PARVG: variants seen among roughly 807,000 people sequenced by gnomAD.
The protein encoded by PARVG is gamma-parvin.
In PARVG, 36 loss-of-function variants were observed where a neutral mutation model predicts 44.4. That is an observed-to-expected ratio of 0.81 (90% CI 0.62 to 1.07). The LOEUF (loss-of-function observed/expected upper bound fraction) is 1.07, where lower values mean the gene tolerates loss of function less well. Ranked by LOEUF, PARVG falls within the 50% of genes least tolerant of loss-of-function variation. The pLI is 0.00. For missense variants in PARVG, 407 were observed against 407.4 expected (o/e 1.00, Z 0.01); for synonymous variants, 170 against 174.1 (o/e 0.98, Z 0.19).
chr22:44,202,420 T>C (rs1319326239), intron 12 of PARVG, among the ~76,000 whole-genome samples: 2 of 152,242 alleles, frequency 1.3e-5, no homozygotes. Context: ...GCCCCTGGGC[T>C]GCAGGGCCTC....
Position 44,190,639 on chromosome 22 carries a change from C to T in PARVG, c.477C>T (p.Asn159=), listed in dbSNP as rs3842780. ...RFQPDLSLPT[N]VQVEVITIES... is the part of the protein sequence containing the mutation. ...AGCCCGACCTCTCCCTCCCAACCAACGTCCAGGTGGAGGTCATCACTATCG... is the reference window on the plus strand; with the variant it reads ...AGCCCGACCTCTCCCTCCCAACCAATGTCCAGGTGGAGGTCATCACTATCG... The change falls in exon 7 of 14, where the codon AAC becomes AAT. Residue 159 remains asparagine, a synonymous_variant. Transcript: ENST00000444313. 19 of 1,613,842 alleles carry T rather than the reference C, an allele frequency of 1.2e-5. No individual in the cohort carries two copies. Among genetic ancestry groups the T allele is most frequent in the Middle Eastern group, 1.6e-4 (1 of 6,084 alleles).
At chr22:44,205,465 G>A (rs1273993607) in intron 12 of PARVG, among the ~76,000 whole-genome samples, 5 of 152,192 alleles carry the variant, frequency 3.3e-5, no homozygotes, top group South Asian at 2.1e-4. Context: ...CCTTTTTCAC[G>A]GGCAGTGGCC....
chr22:44,173,535 G>C (rs970076577), intron 1 of PARVG, among the ~76,000 whole-genome samples: 1 of 137,580 alleles, frequency 7.3e-6, no homozygotes, highest in Admixed American at 7.0e-5. Flanking sequence ...AGGCAACCAC[G>C]CTATTAAAAA....
chr22:44,198,925 C>CCCACCCACCCACCCACCCACCCACCCAT (rs1569186384), intron 12 of PARVG, among the ~76,000 whole-genome samples: 1 of 46,246 alleles, frequency 2.2e-5, no homozygotes, highest in African/African-American at 6.7e-5. Context: ...CATCCATCTA[C>CCCACCCACCCACCCACCCACCCACCCAT]CCATCCATCC....
At chr22:44,197,182 G>A (rs1023499523) in intron 11 of PARVG, among the ~76,000 whole-genome samples, 4 of 152,252 alleles carry the variant, frequency 2.6e-5, no homozygotes, top group African/African-American at 4.8e-5. Context: ...CATGAAGATC[G>A]TAGCCAGAGC....
chr22:44,177,716 T>G (rs1438126449), upstream of PARVG, among the ~76,000 whole-genome samples: 1 of 152,176 alleles, frequency 6.6e-6, no homozygotes, highest in Non-Finnish European at 1.5e-5. Flanking sequence ...TACTTTCTTA[T>G]GATGTTAATT....
In PARVG at chr22:44,206,636, A is replaced by G. The variant is rs2147243955; in HGVS notation, c.*210A>G. On this transcript the variant is annotated 3_prime_UTR_variant, in exon 14 of 14. Coordinates refer to ENST00000444313, the MANE Select transcript of PARVG (RefSeq NM_022141.7). ...CTGGCCTTGCTCAGTTTATTTTAATAAAAGTATTTCTGGGAGGGATTCTGG... is the reference window on the plus strand; with the variant it reads ...CTGGCCTTGCTCAGTTTATTTTAATGAAAGTATTTCTGGGAGGGATTCTGG... 1.8e-6 allele frequency: 1 copy of G among 564,168 alleles called. No homozygotes were observed. Among genetic ancestry groups the G allele is most frequent in the East Asian group, 3.0e-5 (1 of 32,946 alleles). 34.9% of individuals were successfully genotyped at this position (564,168 alleles called of 1,614,324 possible). A position where few individuals can be genotyped will look rare whatever the true frequency, so the allele number is the denominator to read the frequency against.
chr22:44,193,652 G>A, intron 8 of PARVG, 149 bp from the exon 9 acceptor site: 1 of 919,164 alleles, frequency 1.1e-6, no homozygotes, highest in Non-Finnish European at 1.7e-6. Context: ...TCTGCTATCT[G>A]CCCTACCTAC....
At chr22:44,195,059 A>C (rs2054600686) in intron 9 of PARVG, among the ~76,000 whole-genome samples, 1 of 152,152 alleles carries the variant, frequency 6.6e-6, no homozygotes, top group Admixed American at 6.5e-5. Flanking sequence ...TTCCCTGCAG[A>C]GGTAGAGATA....
chr22:44,181,932 C>G lies in PARVG; in HGVS notation c.-13+15C>G, dbSNP rs979455191. ...AAAGCGGTTGGGTGAGTTCTGGCAT[C>G]GGGGCCACCATACTTGAGTGTTGGG... On this transcript the variant is annotated intron_variant, in intron 2 of 13. Transcript: ENST00000444313. 14 of 985,574 alleles carry G rather than the reference C, an allele frequency of 1.4e-5. No homozygotes were observed. Among genetic ancestry groups the G allele is most frequent in the Non-Finnish European group, 1.7e-5 (14 of 830,062 alleles). The allele number at this position is 985,574 out of a possible 1,614,324, so 61.1% of individuals were successfully genotyped here. A position where few individuals can be genotyped will look rare whatever the true frequency, so the allele number is the denominator to read the frequency against.
chr22:44,181,126 A>AACC lies in PARVG; in HGVS notation c.-240_-238dup, dbSNP rs1459228894. 1 of 445,892 alleles carries AACC rather than the reference A, an allele frequency of 2.2e-6. No homozygotes were observed. Among genetic ancestry groups the AACC allele is most frequent in the Non-Finnish European group, 3.0e-6 (1 of 336,686 alleles). The allele number at this position is 445,892 out of a possible 1,614,324, so 27.6% of individuals were successfully genotyped here. A position where few individuals can be genotyped will look rare whatever the true frequency, so the allele number is the denominator to read the frequency against. On this transcript the variant is annotated 5_prime_UTR_variant, in exon 1 of 14. Coordinates refer to ENST00000444313, the MANE Select transcript of PARVG (RefSeq NM_022141.7). ...AAGCCTTCCCGATCCCCTTGGCAACAACCACCACCAATATTTATTCACTGA... is the reference window on the plus strand; with the variant it reads ...AAGCCTTCCCGATCCCCTTGGCAACAACCACCACCACCAATATTTATTCACTGA...
At position 44,204,456 on chromosome 22, in the gene PARVG, C is replaced by T. The variant is rs562194682; in HGVS notation, c.814-1301C>T. Reference sequence around the variant, plus strand: ...GCCCAGCCAGGATGTGTGACTTGTCCGAGGTCAGACACTTAGTGGCAGGGA... The same window carrying T: ...GCCCAGCCAGGATGTGTGACTTGTCTGAGGTCAGACACTTAGTGGCAGGGA... On this transcript the variant is annotated intron_variant, in intron 12 of 13. Coordinates refer to ENST00000444313, the MANE Select transcript of PARVG (RefSeq NM_022141.7). Among the ~76,000 whole-genome samples the T allele has an allele frequency of 6.6e-5, 10 of 152,352 alleles. No homozygotes were observed. The South Asian group carries it at 1.0e-3, about 16-fold the overall frequency.
intron 9 of PARVG, 79 bp downstream of exon 9, chr22:44,193,902 T>C: frequency 1.3e-6 from 2 of 1,528,244 alleles, no homozygotes; most frequent in South Asian, 1.2e-5. Flanking sequence ...GCAGGGTTAA[T>C]TGCTGAGCAT....
Position 44,182,053 on chromosome 22 carries a change from C to A in PARVG, c.-13+136C>A. On this transcript the variant is annotated intron_variant, in intron 2 of 13. Coordinates refer to ENST00000444313, the MANE Select transcript of PARVG (RefSeq NM_022141.7). The surrounding 1 kb of genome is among the most constrained non-coding windows in gnomAD (Gnocchi z 4.6). ...GGGGAAGGGAGTCGGTAAAGTGGGA[C>A]CTTGAGTCCCCACGGCCCCTCCGGC... 2 of 681,856 alleles carry A rather than the reference C, an allele frequency of 2.9e-6. No homozygotes were observed. The highest frequency in any genetic ancestry group is 3.6e-6 in the Non-Finnish European group (2 of 552,616). The allele number at this position is 681,856 out of a possible 1,614,324, so 42.2% of individuals were successfully genotyped here.
Position 44,206,647 on chromosome 22 carries a change from T to TGGGA in PARVG, c.*226_*229dup. On this transcript the variant is annotated 3_prime_UTR_variant, in exon 14 of 14. Transcript: ENST00000444313. ...CAGTTTATTTTAATAAAAGTATTTC[T>TGGGA]GGGAGGGATTCTGGGAACTTGACAG... The TGGGA allele has an allele frequency of 1.8e-6, 1 of 542,194 alleles. No homozygotes were observed. The highest frequency in any genetic ancestry group is 1.9e-5 in the African/African-American group (1 of 52,478). The allele number at this position is 542,194 out of a possible 1,614,324, so 33.6% of individuals were successfully genotyped here.
Position 44,206,344 on chromosome 22 carries a change from C to T in PARVG, c.914C>T (p.Thr305Ile). 1 of 1,613,886 alleles carries T rather than the reference C, an allele frequency of 6.2e-7. No individual in the cohort carries two copies. Among genetic ancestry groups the T allele is most frequent in the Non-Finnish European group, 8.5e-7 (1 of 1,179,948 alleles). Reference sequence around the variant, plus strand: ...ATCGTGAACAAGGATGCCAAGAGCACACTGAGGGTGCTCTATGGTCTGTTC... The same window carrying T: ...ATCGTGAACAAGGATGCCAAGAGCATACTGAGGGTGCTCTATGGTCTGTTC... ...EDIVNKDAKS[T>I]LRVLYGLFCK... The change falls in exon 14 of 14, where the codon ACA becomes ATA. Residue 305 changes from threonine to isoleucine, a missense_variant. By Grantham distance (89) the Thr-to-Ile change is moderately conservative (BLOSUM62 -1). Coordinates refer to ENST00000444313, the MANE Select transcript of PARVG (RefSeq NM_022141.7).
intron 11 of PARVG, among the ~76,000 whole-genome samples, chr22:44,198,258 G>C (rs116676470): frequency 6.6e-6 from 1 of 152,200 alleles, no homozygotes; most frequent in South Asian, 2.1e-4. Context: ...GGCAGCCAGC[G>C]AGATGAGCCT....
At chr22:44,195,864 G>A (rs2054610378) in intron 9 of PARVG, among the ~76,000 whole-genome samples, 1 of 152,192 alleles carries the variant, frequency 6.6e-6, no homozygotes. Flanking sequence ...AAGTCCTACT[G>A]TGTGCCCAGT....
At position 44,206,917 on chromosome 22, in the gene PARVG, G is replaced by A. The variant is rs1028945087; in HGVS notation, c.*491G>A. 8 of 167,154 alleles carry A rather than the reference G, an allele frequency of 4.8e-5. No homozygotes were observed. The highest frequency in any genetic ancestry group is 1.5e-4 in the South Asian group (1 of 6,562). The allele number at this position is 167,154 out of a possible 1,614,324, so 10.4% of individuals were successfully genotyped here. On this transcript the variant is annotated 3_prime_UTR_variant, in exon 14 of 14. Transcript: ENST00000444313. The stretch of plus-strand genomic sequence containing the variant: ...GAGTCACCCTCCAGGGCAGGAGCCC[G>A]AATGGCTCCATAGCCATGCCCCCAC...
Sources: allele counts gnomAD v4.1 joint callset (sites outside exome capture counted in the v4.1 genomes callset), GRCh38; gene constraint gnomAD v4.1.1; non-coding constraint Gnocchi (gnomAD v3.1); transcripts MANE v1.5; gene names NCBI Gene and HGNC (gene_info 2026-07-23, HGNC 2026-07-21).